Variants in HPSE2 observed in about 807,000 individuals in gnomAD.
HPSE2 encodes the protein heparanase 2 (inactive), also known as inactive heparanase-2.
HPSE2 carries 38 observed loss-of-function variants against 60.5 expected under a neutral mutation model. The ratio of observed to expected loss-of-function variants is 0.63; its 90% confidence interval spans 0.48 to 0.82. HPSE2 has a LOEUF of 0.82. Ranked by LOEUF, HPSE2 falls within the 40% of genes least tolerant of loss-of-function variation. The probability of loss-of-function intolerance (pLI) is 0.00; values close to 1 mark genes in which losing one functional copy is unlikely to be tolerated. For missense variants in HPSE2, 713 were observed against 740.4 expected (o/e 0.96, Z 0.43); for synonymous variants, 295 against 293.2 (o/e 1.01, Z -0.06).
intron 3 of HPSE2, among the ~76,000 whole-genome samples, chr10:98,998,619 G>T (rs1165917371): frequency 6.6e-6 from 1 of 152,104 alleles, no homozygotes; most frequent in Non-Finnish European, 1.5e-5. Flanking sequence ...TCCAAACACA[G>T]GAAGTGAACC....
At chr10:99,114,724 C>T (rs1282258437) in intron 3 of HPSE2, among the ~76,000 whole-genome samples, 1 of 151,798 alleles carries the variant, frequency 6.6e-6, no homozygotes, top group African/African-American at 2.4e-5. Flanking sequence ...ACCATCCTGG[C>T]TAACATGGTG....
intron 4 of HPSE2, among the ~76,000 whole-genome samples, chr10:98,737,387 C>T (rs1949385311): frequency 7.2e-6 from 1 of 138,996 alleles, no homozygotes; most frequent in African/African-American, 2.6e-5. Flanking sequence ...TTCTGCATTT[C>T]CAACTGAGGT....
chr10:98,724,361 T>A (rs1949012715), intron 4 of HPSE2, among the ~76,000 whole-genome samples: 1 of 152,208 alleles, frequency 6.6e-6, no homozygotes, highest in African/African-American at 2.4e-5. Context: ...CTTTGACATT[T>A]GCTGAGGAGT....
intron 3 of HPSE2, among the ~76,000 whole-genome samples, chr10:99,030,963 A>G (rs1258325778): frequency 6.6e-6 from 1 of 152,216 alleles, no homozygotes; most frequent in African/African-American, 2.4e-5. Flanking sequence ...AGAGAGTAGA[A>G]AGATGGTTAC....
chr10:98,915,296 C>T (rs988120330), intron 3 of HPSE2, among the ~76,000 whole-genome samples: 11 of 151,882 alleles, frequency 7.2e-5, no homozygotes, highest in African/African-American at 2.7e-4. Context: ...TACAGGCACC[C>T]ACCACCATGC....
rs141796262 is a variant in HPSE2, at chr10:98,484,879, C to CTT, written c.1467-2099_1467-2098dup. ...TTCCTTCTCTCTGTAGGAAAAAATGCTTAGTTTCTAAGGGGTCCCTTAGGG... is the reference window on the plus strand; with the variant it reads ...TTCCTTCTCTCTGTAGGAAAAAATGCTTTTAGTTTCTAAGGGGTCCCTTAGGG... On this transcript the variant is annotated intron_variant, in intron 10 of 11. Transcript: ENST00000370552. 3.6e-3 allele frequency among the ~76,000 whole-genome samples: 550 copies of CTT among 152,200 alleles called. 12 individuals are homozygous for CTT. The East Asian group carries it at 0.056, about 16-fold the overall frequency.
At chr10:98,535,886 A>G (rs1203527416) in intron 9 of HPSE2, among the ~76,000 whole-genome samples, 1 of 152,058 alleles carries the variant, frequency 6.6e-6, no homozygotes, top group Non-Finnish European at 1.5e-5. Context: ...CTCTTTTGAT[A>G]CTCTAGAGTG....
At chr10:98,617,889 A>C (rs1195413526) in intron 8 of HPSE2, among the ~76,000 whole-genome samples, 1 of 152,230 alleles carries the variant, frequency 6.6e-6, no homozygotes, top group African/African-American at 2.4e-5. Context: ...ACTCGGTAGC[A>C]GAGAATCCCA....
At chr10:98,793,991 C>CA (rs1950715939) in intron 3 of HPSE2, among the ~76,000 whole-genome samples, 1 of 152,198 alleles carries the variant, frequency 6.6e-6, no homozygotes, top group Non-Finnish European at 1.5e-5. Context: ...TGAGGGATCT[C>CA]AAAAACTGTA....
intron 9 of HPSE2, among the ~76,000 whole-genome samples, chr10:98,598,579 T>C (rs534481485): frequency 6.6e-6 from 1 of 151,192 alleles, no homozygotes; most frequent in South Asian, 2.1e-4. Flanking sequence ...GTCCACAGCG[T>C]TGTGACTGAA....
intron 3 of HPSE2, among the ~76,000 whole-genome samples, chr10:99,065,830 G>A (rs989746898): frequency 2.0e-4 from 31 of 152,188 alleles, no homozygotes; most frequent in African/African-American, 7.5e-4. Flanking sequence ...GTCTGACCCT[G>A]ATAAGCAATG....
At chr10:98,610,228 C>T (rs1945714865) in intron 9 of HPSE2, among the ~76,000 whole-genome samples, 1 of 152,136 alleles carries the variant, frequency 6.6e-6, no homozygotes, top group South Asian at 2.1e-4. Context: ...GAGATTTAAG[C>T]CCTGTGTCCA....
chr10:99,113,790 A>C (rs1014445593), intron 3 of HPSE2, among the ~76,000 whole-genome samples: 1 of 152,042 alleles, frequency 6.6e-6, no homozygotes, highest in Admixed American at 6.5e-5. Flanking sequence ...TAGAGGTACA[A>C]GTGCAGTTGT....
At chr10:99,033,793 A>C (rs1023387950) in intron 3 of HPSE2, among the ~76,000 whole-genome samples, 1 of 151,802 alleles carries the variant, frequency 6.6e-6, no homozygotes, top group African/African-American at 2.4e-5. Flanking sequence ...AAAAAAAAAA[A>C]AACACAAAAA....
Position 98,645,662 on chromosome 10 carries a change from C to T in HPSE2, c.1005-3722G>A, listed in dbSNP as rs189781524. On this transcript the variant is annotated intron_variant, in intron 6 of 11. Transcript: ENST00000370552. ...TTTGGTCATCCAGAATTCAGTATCA[C>T]TTTTAAGAGAGGGGATCATTTAACC... Among the ~76,000 whole-genome samples the T allele has an allele frequency of 1.0e-3, 154 of 152,276 alleles. 2 individuals carry two copies. Among genetic ancestry groups the T allele is most frequent in the African/African-American group, 3.4e-3 (143 of 41,568 alleles).
intron 3 of HPSE2, among the ~76,000 whole-genome samples, chr10:99,068,900 T>C (rs943768435): frequency 6.6e-6 from 1 of 151,784 alleles, no homozygotes; most frequent in African/African-American, 2.4e-5. Context: ...GAAAGAAAAA[T>C]TACCAAAACA....
intron 9 of HPSE2, among the ~76,000 whole-genome samples, chr10:98,611,337 T>G (rs1945752935): frequency 1.3e-5 from 2 of 152,124 alleles, no homozygotes; most frequent in Non-Finnish European, 2.9e-5. Flanking sequence ...CTGCCAGAGC[T>G]AGGCTAGAAT....
At chr10:98,941,839 G>A (rs1476055438) in intron 3 of HPSE2, among the ~76,000 whole-genome samples, 3 of 140,630 alleles carry the variant, frequency 2.1e-5, no homozygotes, top group Non-Finnish European at 3.0e-5. Flanking sequence ...ATACTACAAG[G>A]CTACAGTAAC....
rs532277213 is a variant in HPSE2 at position 99,041,977 on chromosome 10, C to T, written c.610+102261G>A. ...CACTGCTCCTCACACATATTACATA[C>T]ACACATATTTGTACACACAGACCTT... On this transcript the variant is annotated intron_variant, in intron 3 of 11. Transcript: ENST00000370552. 2.0e-5 allele frequency among the ~76,000 whole-genome samples: 3 copies of T among 152,304 alleles called. No individual in the cohort carries two copies. The South Asian group carries it at 6.2e-4, about 32-fold the overall frequency.
Sources: gnomAD v4.1 joint callset for allele counts (sites outside exome capture counted in the v4.1 genomes callset) on GRCh38, gnomAD v4.1.1 for gene constraint, MANE v1.5 for transcripts, NCBI Gene and HGNC (gene_info 2026-07-23, HGNC 2026-07-21) for gene names.